FGFR1: variants seen among roughly 807,000 people sequenced by gnomAD.
The protein encoded by FGFR1 is FGFR1/PLAG1 fusion.
Under a neutral mutation model 93.7 loss-of-function variants are expected in FGFR1, and 18 were observed. That is an observed-to-expected ratio of 0.19 (90% CI 0.13 to 0.28). The LOEUF (loss-of-function observed/expected upper bound fraction) is 0.28, where lower values mean the gene tolerates loss of function less well. Ranked by LOEUF, FGFR1 falls within the 10% of genes least tolerant of loss-of-function variation. The pLI, the probability that FGFR1 is intolerant of heterozygous loss-of-function variation, is 1.00. For missense variants in FGFR1, 731 were observed against 1,080.4 expected (o/e 0.68, Z 4.53); for synonymous variants, 448 against 429.3 (o/e 1.04, Z -0.54).
intron 1 of FGFR1, among the ~76,000 whole-genome samples, chr8:38,462,513 A>T (rs571761585): frequency 1.2e-3 from 181 of 151,920 alleles, no homozygotes; most frequent in African/African-American, 2.2e-3. Context: ...AAAAAAAAAA[A>T]TTTTTTTTAC....
intron 2 of FGFR1, among the ~76,000 whole-genome samples, chr8:38,438,062 C>T (rs563193229): frequency 9.1e-4 from 139 of 152,264 alleles, no homozygotes; most frequent in African/African-American, 2.8e-3. Context: ...ATTTCCAGCA[C>T]GCTCACTATA....
At chr8:38,440,624 A>AT (rs1827095561) in intron 2 of FGFR1, among the ~76,000 whole-genome samples, 1 of 151,022 alleles carries the variant, frequency 6.6e-6, no homozygotes, top group African/African-American at 2.4e-5. Flanking sequence ...AAGAGGGGAC[A>AT]TTTTGCATGC....
intron 2 of FGFR1, among the ~76,000 whole-genome samples, chr8:38,431,303 G>A (rs955882196): frequency 6.6e-6 from 1 of 152,132 alleles, no homozygotes; most frequent in Non-Finnish European, 1.5e-5. Context: ...CTCCCAGTCT[G>A]GGTTAGGTGC....
chr8:38,428,231 G>C, intron 4 of FGFR1, 115 bp downstream of exon 4: 1 of 1,460,998 alleles, frequency 6.8e-7, no homozygotes, highest in Non-Finnish European at 9.6e-7. Flanking sequence ...GCACTTAGCA[G>C]AACAGGCACC....
intron 2 of FGFR1, chr8:38,434,629 A>C (rs10101096): frequency 0.2 from 44,049 of 220,480 alleles, 4,894 homozygotes; most frequent in East Asian, 0.35. Flanking sequence ...CCTCTGAATC[A>C]AGTCAGCACA....
At chr8:38,430,629 T>G (rs1822684050) in intron 2 of FGFR1, 1 of 152,332 alleles carries the variant, frequency 6.6e-6, no homozygotes, top group African/African-American at 2.4e-5. Flanking sequence ...TTGACTATAT[T>G]AGGACGGGAG....
At position 38,450,305 on chromosome 8, in the gene FGFR1, G is replaced by C. The variant is rs1038035316; in HGVS notation, c.91+7051C>G. On this transcript the variant is annotated intron_variant, in intron 2 of 17. Transcript: ENST00000447712. ...AGAATGAGAGCAGCTGGACTTCCCC[G>C]GTCAACAGGGAAACAGTTGTCTCAT... Among the ~76,000 whole-genome samples the C allele has an allele frequency of 2.0e-5, 3 of 152,250 alleles. No individual in the cohort carries two copies. The East Asian group carries it at 5.8e-4, about 29-fold the overall frequency.
rs1345764993 is a variant in FGFR1, at chr8:38,418,645, CTG to C, written c.1285-274_1285-273del. The stretch of plus-strand genomic sequence containing the variant: ...CCTCTTCCAGCTTGACATTTTATAA[CTG>C]ATCATTGCAGTAACAACTCTGTTCT... On this transcript the variant is annotated intron_variant, in intron 9 of 17. Transcript: ENST00000447712. 3 of 526,182 alleles carry C rather than the reference CTG, an allele frequency of 5.7e-6. No homozygotes were observed. In the African/African-American group the frequency reaches 5.7e-5, roughly 10 times the overall value. 32.6% of individuals were successfully genotyped at this position (526,182 alleles called of 1,614,324 possible). A position where few individuals can be genotyped will look rare whatever the true frequency, so the allele number is the denominator to read the frequency against.
chr8:38,440,331 G>C (rs1826955938), intron 2 of FGFR1: 1 of 1,605,108 alleles, frequency 6.2e-7, no homozygotes, highest in African/African-American at 1.3e-5. Context: ...CCCGGCCAGA[G>C]TGCAGAAGCA....
intron 2 of FGFR1, among the ~76,000 whole-genome samples, chr8:38,454,221 ACCCTGGC>A (rs1193326665): frequency 7.2e-6 from 1 of 139,600 alleles, no homozygotes; most frequent in Admixed American, 7.2e-5. Flanking sequence ...TAGCACCCCC[ACCCTGGC>A]CCTAAAGTTC....
At position 38,468,527 on chromosome 8, in the gene FGFR1, C is replaced by G. The variant is rs971474756; in HGVS notation, c.-635G>C. ...GTGGCCGCCCAGCTCCCGGCACACC[C>G]GGGTTCCTCCGCGCGCTGCGGCTGC... On this transcript the variant is annotated 5_prime_UTR_variant, in exon 1 of 18. Coordinates refer to ENST00000447712, the MANE Select transcript of FGFR1 (RefSeq NM_023110.3). The G allele has an allele frequency of 1.3e-5, 3 of 228,726 alleles. No homozygotes were observed. The highest frequency in any genetic ancestry group is 6.7e-5 in the African/African-American group (3 of 45,056). The allele number at this position is 228,726 out of a possible 1,614,324, so 14.2% of individuals were successfully genotyped here. A position where few individuals can be genotyped will look rare whatever the true frequency, so the allele number is the denominator to read the frequency against.
Position 38,426,231 on chromosome 8 carries a change from G to A in FGFR1, c.636C>T (p.Thr212=), listed in dbSNP as rs753704100. 1 of 1,614,180 alleles carries A rather than the reference G, an allele frequency of 6.2e-7. No individual in the cohort carries two copies. Among genetic ancestry groups the A allele is most frequent in the Non-Finnish European group, 8.5e-7 (1 of 1,180,042 alleles). Residue 212 remains threonine, a synonymous_variant, in exon 6 of 18, where the codon ACC becomes ACT. Coordinates refer to ENST00000447712, the MANE Select transcript of FGFR1 (RefSeq NM_023110.3). This position sits in a 1 kb window ranked among gnomAD's most constrained non-coding sequence, Gnocchi z 4.1. Reference sequence around the variant, plus strand: ...CCACAGAGTCCATTATGATGCTCCAGGTGGCATAACGGACCTGAGGGGAAA... The same window carrying A: ...CCACAGAGTCCATTATGATGCTCCAAGTGGCATAACGGACCTGAGGGGAAA... ...RIGGYKVRYA[T]WSIIMDSVVP...
At chr8:38,443,454 G>A (rs1220953647) in intron 2 of FGFR1, among the ~76,000 whole-genome samples, 2 of 149,628 alleles carry the variant, frequency 1.3e-5, no homozygotes, top group African/African-American at 2.5e-5. Flanking sequence ...GAGTCCAGGG[G>A]TTAGAGATCA....
chr8:38,416,271 G>A (rs944160459), intron 12 of FGFR1, among the ~76,000 whole-genome samples: 8 of 152,022 alleles, frequency 5.3e-5, no homozygotes, highest in African/African-American at 1.9e-4. Context: ...GAGCAACATT[G>A]GGGTAAGAGC....
At position 38,413,905 on chromosome 8, in the gene FGFR1, C is replaced by T. The variant is rs756341817; in HGVS notation, c.2292+13G>A. 3.7e-5 allele frequency: 59 copies of T among 1,613,482 alleles called. No individual in the cohort carries two copies. The highest frequency in any genetic ancestry group is 1.9e-4 in the African/African-American group (14 of 74,886). On this transcript the variant is annotated intron_variant, in intron 17 of 17. Coordinates refer to ENST00000447712, the MANE Select transcript of FGFR1 (RefSeq NM_023110.3). This position sits in a 1 kb window ranked among gnomAD's most constrained non-coding sequence, Gnocchi z 4.2. ...GACGGCCTGAGCTCTGGCTCTGGCACGGGCAGCCTTACCTGGTTGGAGGTC... is the reference window on the plus strand; with the variant it reads ...GACGGCCTGAGCTCTGGCTCTGGCATGGGCAGCCTTACCTGGTTGGAGGTC...
Position 38,450,916 on chromosome 8 carries a change from G to A in FGFR1, c.91+6440C>T, listed in dbSNP as rs540962992. On this transcript the variant is annotated intron_variant, in intron 2 of 17. Coordinates refer to ENST00000447712, the MANE Select transcript of FGFR1 (RefSeq NM_023110.3). ...GCTTGGTCAAGAGGGCCACGTGAGC[G>A]TCCTCACATTCTCTCACAGGCCGAG... 2.6e-5 allele frequency among the ~76,000 whole-genome samples: 4 copies of A among 152,270 alleles called. No homozygotes were observed. In the South Asian group the frequency reaches 6.2e-4, roughly 24 times the overall value.
intron 1 of FGFR1, among the ~76,000 whole-genome samples, chr8:38,459,359 T>C (rs1833804106): frequency 6.6e-6 from 1 of 152,248 alleles, no homozygotes; most frequent in African/African-American, 2.4e-5. Flanking sequence ...CCTGGATTCT[T>C]GGCTTCGTTC....
At chr8:38,418,042 C>T (rs1176294549) in intron 10 of FGFR1, 51 bp from the exon 11 acceptor site, 3 of 1,612,930 alleles carry the variant, frequency 1.9e-6, no homozygotes, top group Admixed American at 1.7e-5. Flanking sequence ...GAAGTTCAAA[C>T]CTTGAGAGGC....
At chr8:38,428,604 T>C (rs1253260115) in intron 3 of FGFR1, 169 bp from the exon 4 acceptor site, 1 of 640,068 alleles carries the variant, frequency 1.6e-6, no homozygotes, top group Admixed American at 2.4e-5. Context: ...GAACAGTTCC[T>C]GTGCGTGTTT....
Sources: gnomAD v4.1 joint callset for allele counts (sites outside exome capture counted in the v4.1 genomes callset) on GRCh38, gnomAD v4.1.1 for gene constraint, Gnocchi (gnomAD v3.1) non-coding constraint, MANE v1.5 for transcripts, NCBI Gene and HGNC (gene_info 2026-07-23, HGNC 2026-07-21) for gene names.